The following ATL2 variants were observed in gnomAD, a reference collection of about 807,000 sequenced individuals.
ATL2 encodes atlastin GTPase 2.
ATL2 carries 31 observed loss-of-function variants against 73.9 expected under a neutral mutation model. The observed-to-expected ratio is 0.42, with a 90% confidence interval of 0.32 to 0.57. The LOEUF (loss-of-function observed/expected upper bound fraction) is 0.57. ATL2 is among the 20% of genes least tolerant of loss of function. The pLI, the probability that ATL2 is intolerant of heterozygous loss-of-function variation, is 0.14. For synonymous variants in ATL2, 291 were observed against 237.5 expected (o/e 1.23, Z -2.07); for missense variants, 738 against 702.6 (o/e 1.05, Z -0.57).
chr2:38,332,642 A>C (rs1456295304), intron 2 of ATL2, among the ~76,000 whole-genome samples: 2 of 152,220 alleles, frequency 1.3e-5, no homozygotes, highest in Non-Finnish European at 2.9e-5. Flanking sequence ...GTTAAAGGAA[A>C]AACAAAAAAT....
At chr2:38,315,412 G>T (rs574424301) in intron 4 of ATL2, 78 bp from the exon 5 acceptor site, 15 of 1,408,734 alleles carry the variant, frequency 1.1e-5, no homozygotes, top group East Asian at 8.6e-5. Flanking sequence ...TTTACTTGTG[G>T]AAAAAAGGTT....
chr2:38,362,709 A>T (rs994000000), intron 1 of ATL2, among the ~76,000 whole-genome samples: 1 of 152,372 alleles, frequency 6.6e-6, no homozygotes. Context: ...TAGTAAAACA[A>T]AATTAAGAAC....
intron 12 of ATL2, chr2:38,296,776 G>A (rs2148396630): frequency 6.5e-7 from 1 of 1,545,208 alleles, no homozygotes; most frequent in Non-Finnish European, 8.7e-7. Flanking sequence ...CTGACTAGCT[G>A]ATTACCTTAC....
intron 12 of ATL2, chr2:38,296,617 G>T: frequency 6.2e-7 from 1 of 1,611,576 alleles, no homozygotes; most frequent in South Asian, 1.1e-5. Context: ...TTTGTTAGGA[G>T]AATGAATCAG....
rs1167381348 is a variant in ATL2, at chr2:38,300,396, A to G, written c.1072-68T>C. 8.5e-6 allele frequency: 9 copies of G among 1,056,688 alleles called. No individual in the cohort carries two copies. In the East Asian group the frequency reaches 2.2e-4, roughly 25 times the overall value. The allele number at this position is 1,056,688 out of a possible 1,614,324, so 65.5% of individuals were successfully genotyped here. A position where few individuals can be genotyped will look rare whatever the true frequency, so the allele number is the denominator to read the frequency against. On this transcript the variant is annotated intron_variant, in intron 9 of 12. Coordinates refer to ENST00000378954, the MANE Select transcript of ATL2 (RefSeq NM_001135673.4). ...TTGGCTCCACATCCCCAAAGAAAGA[A>G]AAGTCATTAAATATAAAAATAATTA...
intron 2 of ATL2, among the ~76,000 whole-genome samples, chr2:38,326,973 G>C (rs1246076714): frequency 6.6e-6 from 1 of 151,532 alleles, no homozygotes; most frequent in African/African-American, 2.4e-5. Context: ...GGGCGACAAA[G>C]CAAGGCTCCA....
At chr2:38,335,702 A>G (rs553811211) in intron 2 of ATL2, among the ~76,000 whole-genome samples, 2 of 152,312 alleles carry the variant, frequency 1.3e-5, no homozygotes, top group South Asian at 4.1e-4. Context: ...TGCACTGGCT[A>G]TATTAAGGTT....
At chr2:38,356,240 C>T (rs1236144376) in intron 1 of ATL2, among the ~76,000 whole-genome samples, 1 of 151,382 alleles carries the variant, frequency 6.6e-6, no homozygotes, top group Non-Finnish European at 1.5e-5. Context: ...TTTTTTGAGA[C>T]AGGGTTTCAC....
intron 1 of ATL2, among the ~76,000 whole-genome samples, chr2:38,364,301 CT>C (rs1328983343): frequency 3.3e-5 from 5 of 152,088 alleles, no homozygotes; most frequent in African/African-American, 1.2e-4. Flanking sequence ...AAAGTATAGT[CT>C]GAGAATGTTG....
intron 2 of ATL2, among the ~76,000 whole-genome samples, chr2:38,328,190 CA>C (rs375230510): frequency 2.1e-4 from 32 of 152,240 alleles, no homozygotes; most frequent in African/African-American, 4.1e-4. Flanking sequence ...ATATGTGAAG[CA>C]AAAATTGAAC....
At chr2:38,333,281 G>A (rs903228749) in intron 2 of ATL2, among the ~76,000 whole-genome samples, 18 of 152,134 alleles carry the variant, frequency 1.2e-4, no homozygotes, top group East Asian at 1.9e-4. Flanking sequence ...AGAGCGAGAC[G>A]ATATCTCTAA....
chr2:38,375,778 T>G (rs1036065212), intron 1 of ATL2, among the ~76,000 whole-genome samples: 3 of 152,228 alleles, frequency 2.0e-5, no homozygotes, highest in Admixed American at 2.0e-4. Flanking sequence ...GCGAAGCTGC[T>G]TCTTTGGTAG....
At chr2:38,366,591 G>C (rs1251162408) in intron 1 of ATL2, among the ~76,000 whole-genome samples, 1 of 152,054 alleles carries the variant, frequency 6.6e-6, no homozygotes, top group Non-Finnish European at 1.5e-5. Context: ...TTCAAAGCAC[G>C]ACAAAGCCTC....
At chr2:38,359,952 A>T (rs1213095865) in intron 1 of ATL2, among the ~76,000 whole-genome samples, 1 of 151,686 alleles carries the variant, frequency 6.6e-6, no homozygotes, top group African/African-American at 2.4e-5. Context: ...ATATGGTGAA[A>T]CCCCGTCTCT....
chr2:38,313,109 G>A (rs773999571), intron 7 of ATL2, 42 bp downstream of exon 7: 37 of 1,456,066 alleles, frequency 2.5e-5, no homozygotes, highest in Non-Finnish European at 3.3e-5. Context: ...CGTTTGCCTA[G>A]CTTGGTGCTT....
intron 2 of ATL2, among the ~76,000 whole-genome samples, chr2:38,339,117 G>C (rs1416038151): frequency 6.6e-6 from 1 of 152,166 alleles, no homozygotes; most frequent in Non-Finnish European, 1.5e-5. Context: ...TCAGGAGGCT[G>C]AGGCGAGATA....
intron 2 of ATL2, among the ~76,000 whole-genome samples, chr2:38,324,687 G>T (rs764615836): frequency 6.6e-6 from 1 of 152,146 alleles, no homozygotes; most frequent in Non-Finnish European, 1.5e-5. Context: ...AACTACTTAG[G>T]TACATGCTGA....
chr2:38,333,393 G>C (rs1466311794), intron 2 of ATL2, among the ~76,000 whole-genome samples: 13 of 152,034 alleles, frequency 8.6e-5, no homozygotes, highest in Admixed American at 8.5e-4. Flanking sequence ...TAAAAAAAAA[G>C]TCTCCTCCAA....
chr2:38,305,459 G>C (rs1297204091), intron 9 of ATL2, among the ~76,000 whole-genome samples: 1 of 152,084 alleles, frequency 6.6e-6, no homozygotes, highest in Admixed American at 6.6e-5. Flanking sequence ...TGAGGCAGGA[G>C]AATCACTTGA....
Sources: gnomAD v4.1 joint callset for allele counts (sites outside exome capture counted in the v4.1 genomes callset) on GRCh38, gnomAD v4.1.1 for gene constraint, MANE v1.5 for transcripts, NCBI Gene and HGNC (gene_info 2026-07-23, HGNC 2026-07-21) for gene names.